Variants in RAB3IP observed in about 807,000 individuals in gnomAD.
RAB3IP encodes rab-3A-interacting protein.
Under a neutral mutation model 59.1 loss-of-function variants are expected in RAB3IP, and 36 were observed. The ratio of observed to expected loss-of-function variants is 0.61; its 90% CI spans 0.47 to 0.80. The LOEUF is 0.80. Among genes scored for constraint, RAB3IP ranks in the 30% least tolerant of loss-of-function variants. RAB3IP has a pLI of 0.00. For missense variants in RAB3IP, 511 were observed against 536.0 expected, an observed-to-expected ratio of 0.95 and a Z score of 0.46; for synonymous variants, 207 against 191.2, an observed-to-expected ratio of 1.08 and a Z score of -0.68.
chr12:69,779,899 T>C (rs1374654568), intron 3 of RAB3IP, among the ~76,000 whole-genome samples: 1 of 152,190 alleles, frequency 6.6e-6, no homozygotes, highest in Non-Finnish European at 1.5e-5. Flanking sequence ...TCTGAATGCT[T>C]GTGGATGTAC....
At chr12:69,755,261 C>T in intron 1 of RAB3IP, 123 bp from the exon 2 acceptor site, 1 of 897,590 alleles carries the variant, frequency 1.1e-6, no homozygotes, top group South Asian at 1.9e-5. Flanking sequence ...TAAAAAAAGC[C>T]TCTTTTATTG....
In RAB3IP at chr12:69,815,347, C is replaced by CTGT. The variant is rs1491073883; in HGVS notation, c.1301-16_1301-15insGTT. The stretch of plus-strand genomic sequence containing the variant: ...GGTATTTTATGATTTAAATATCTCT[C>CTGT]TTTTCTGTTTGTATAGTTGATCAGA... On this transcript the variant is annotated splice_polypyrimidine_tract_variant and intron_variant, in intron 10 of 10. Transcript: ENST00000247833. 6.5e-7 allele frequency: 1 copy of CTGT among 1,535,826 alleles called. No homozygotes were observed. The highest frequency in any genetic ancestry group is 1.4e-5 in the African/African-American group (1 of 73,028).
At chr12:69,740,772 A>G (rs1003554400) in intron 1 of RAB3IP, among the ~76,000 whole-genome samples, 2 of 152,232 alleles carry the variant, frequency 1.3e-5, no homozygotes, top group African/African-American at 4.8e-5. Flanking sequence ...AATTTTTAAA[A>G]TGGAAAGGTT....
chr12:69,757,964 G>A (rs558320935), intron 3 of RAB3IP, among the ~76,000 whole-genome samples: 5 of 152,300 alleles, frequency 3.3e-5, no homozygotes, highest in South Asian at 2.1e-4. Flanking sequence ...TGTATTTAGA[G>A]ATACTGTTTG....
intron 1 of RAB3IP, among the ~76,000 whole-genome samples, chr12:69,752,705 A>G (rs1363155096): frequency 6.6e-6 from 1 of 152,234 alleles, no homozygotes; most frequent in African/African-American, 2.4e-5. Context: ...TTCAGGATAT[A>G]AAGAGGTGAA....
chr12:69,739,855 A>T (rs756960116), intron 1 of RAB3IP: 1 of 1,611,648 alleles, frequency 6.2e-7, no homozygotes, highest in Non-Finnish European at 8.5e-7. Flanking sequence ...TTATGGGATT[A>T]AAAAAGATGA....
intron 3 of RAB3IP, among the ~76,000 whole-genome samples, chr12:69,784,196 C>A (rs1487569242): frequency 6.6e-6 from 1 of 151,932 alleles, no homozygotes; most frequent in Non-Finnish European, 1.5e-5. Context: ...ATTTTAAATG[C>A]AAATATGCAT....
chr12:69,760,464 A>G (rs970386934), intron 3 of RAB3IP, among the ~76,000 whole-genome samples: 3 of 152,216 alleles, frequency 2.0e-5, no homozygotes, highest in Non-Finnish European at 4.4e-5. Context: ...CCTCTTGCTC[A>G]GGATCCGTTT....
Position 69,803,672 on chromosome 12 carries a change from G to A in RAB3IP, c.1130+1951G>A, listed in dbSNP as rs188003674. On this transcript the variant is annotated intron_variant, in intron 8 of 10. Transcript: ENST00000247833. The stretch of plus-strand genomic sequence containing the variant: ...CTCCCCCAACCCCACAACAGTCCCC[G>A]GTGTGTGATGTTCCCCTTCCTGTGT... Among the ~76,000 whole-genome samples, 421 of 151,524 alleles carry A rather than the reference G, an allele frequency of 2.8e-3. 2 individuals are homozygous for A. Among genetic ancestry groups the A allele is most frequent in the African/African-American group, 9.8e-3 (404 of 41,286 alleles).
intron 8 of RAB3IP, among the ~76,000 whole-genome samples, chr12:69,807,479 T>G (rs1282021271): frequency 1.5e-5 from 2 of 133,748 alleles, no homozygotes. Flanking sequence ...GCAGAGGCGC[T>G]CCTCACTTCC....
intron 1 of RAB3IP, among the ~76,000 whole-genome samples, chr12:69,741,358 T>TA (rs1363702453): frequency 6.6e-6 from 1 of 152,228 alleles, no homozygotes; most frequent in Non-Finnish European, 1.5e-5. Context: ...ACAGAGCCGG[T>TA]ATTAAAAACT....
chr12:69,791,553 G>A (rs566781310), intron 4 of RAB3IP, among the ~76,000 whole-genome samples: 2 of 152,202 alleles, frequency 1.3e-5, no homozygotes, highest in East Asian at 1.9e-4. Flanking sequence ...ATGGCCAACC[G>A]GTATATGATA....
intron 3 of RAB3IP, among the ~76,000 whole-genome samples, chr12:69,773,263 G>A (rs1341650938): frequency 1.3e-5 from 2 of 151,860 alleles, no homozygotes; most frequent in African/African-American, 2.4e-5. Context: ...ATTATAATAT[G>A]CCTTGGGGTA....
chr12:69,755,474 T>C lies in RAB3IP; in HGVS notation c.66T>C (p.Leu22=). 1 of 1,614,162 alleles carries C rather than the reference T, an allele frequency of 6.2e-7. No individual in the cohort carries two copies. Residue 22 remains leucine, a synonymous_variant, in exon 2 of 11, where the codon CTT becomes CTC. Transcript: ENST00000247833. ...VNLASPTSPD[L]LGVYESGTQE... ...TTGCTTCACCTACTTCTCCGGACCT[T>C]CTTGGTGTGTATGAATCAGGAACTC...
chr12:69,770,621 A>T (rs1037659729), intron 3 of RAB3IP, among the ~76,000 whole-genome samples: 4 of 152,276 alleles, frequency 2.6e-5, no homozygotes, highest in African/African-American at 9.6e-5. Flanking sequence ...CTCTTGCTTG[A>T]AATACTGCAG....
At chr12:69,758,633 A>G (rs1870615125) in intron 3 of RAB3IP, among the ~76,000 whole-genome samples, 1 of 152,108 alleles carries the variant, frequency 6.6e-6, no homozygotes, top group South Asian at 2.1e-4. Flanking sequence ...TTTAAACCCC[A>G]CAAAACACTA....
chr12:69,804,259 G>A (rs1878873705), intron 8 of RAB3IP, among the ~76,000 whole-genome samples: 1 of 152,156 alleles, frequency 6.6e-6, no homozygotes, highest in African/African-American at 2.4e-5. Context: ...GTGATGATGA[G>A]CATTTTTTCA....
intron 1 of RAB3IP, among the ~76,000 whole-genome samples, chr12:69,750,077 C>G (rs758247818): frequency 1.5e-4 from 23 of 152,264 alleles, no homozygotes; most frequent in Middle Eastern, 6.8e-3. Context: ...GTAAGTGTGT[C>G]GTGGTGGTTA....
At position 69,756,548 on chromosome 12, in the gene RAB3IP, A is replaced by T; in HGVS notation, c.395A>T (p.Asp132Val). 5.6e-6 allele frequency: 9 copies of T among 1,614,148 alleles called. No individual in the cohort carries two copies. The highest frequency in any genetic ancestry group is 7.6e-6 in the Non-Finnish European group (9 of 1,180,018). ...ATAACAGAGGCTTGCGATGGCAGTG[A>T]TGATATTTTTGGGTTGAGTACTGAT... is the stretch of plus-strand genomic sequence containing the variant. The part of the protein sequence containing the change: ...ATITEACDGS[D>V]DIFGLSTDSL... Residue 132 changes from aspartate to valine, a missense_variant, in exon 3 of 11, where the codon GAT becomes GTT. By Grantham distance (152) the Asp-to-Val change is radical. Coordinates refer to ENST00000247833, the MANE Select transcript of RAB3IP (RefSeq NM_022456.5).
Sources: gnomAD v4.1 joint callset for allele counts (sites outside exome capture counted in the v4.1 genomes callset) on GRCh38, gnomAD v4.1.1 for gene constraint, MANE v1.5 for transcripts, NCBI Gene and HGNC (gene_info 2026-07-23, HGNC 2026-07-21) for gene names.